RNF11: variants seen among roughly 807,000 people sequenced by gnomAD.
RNF11 encodes the protein ring finger protein 11.
A neutral mutation model predicts 15.8 loss-of-function variants in RNF11; 4 were observed. The observed-to-expected ratio is 0.25, with a 90% CI of 0.12 to 0.58. RNF11 has a LOEUF of 0.58. Ranked by LOEUF, RNF11 falls within the 20% of genes least tolerant of loss-of-function variation. The probability of loss-of-function intolerance (pLI) is 0.91; values close to 1 mark genes in which losing one functional copy is unlikely to be tolerated. For synonymous variants in RNF11, 68 were observed against 72.3 expected, an observed-to-expected ratio of 0.94 and a Z score of 0.30; for missense variants, 139 against 194.4, an observed-to-expected ratio of 0.71 and a Z score of 1.70.
Position 51,236,507 on chromosome 1 carries a change from C to T in RNF11, c.-250C>T, listed in dbSNP as rs563201100. On this transcript the variant is annotated 5_prime_UTR_variant, in exon 1 of 3. Transcript: ENST00000242719. ...AGTGCTTCGTCTCCCCGCCCCCCCC[C>T]CCCCATCGCTGCCTCGCAGGAGGCG... 5 of 141,424 alleles carry T rather than the reference C, an allele frequency of 3.5e-5. 1 individual carries two copies. In the South Asian group the frequency reaches 9.5e-4, roughly 27 times the overall value. The allele number at this position is 141,424 out of a possible 1,614,324, so 8.8% of individuals were successfully genotyped here.
chr1:51,248,379 T>A (rs192607281), intron 1 of RNF11, among the ~76,000 whole-genome samples: 40 of 152,178 alleles, frequency 2.6e-4, no homozygotes, highest in Non-Finnish European at 4.0e-4. Context: ...GCTAATTTTG[T>A]ATTTTTAGTA....
At chr1:51,252,016 G>A (rs1041721017) in intron 1 of RNF11, among the ~76,000 whole-genome samples, 5 of 145,156 alleles carry the variant, frequency 3.4e-5, no homozygotes, top group South Asian at 2.1e-4. Flanking sequence ...GAGACAGGTC[G>A]CAGTGAGCCA....
chr1:51,245,959 G>A (rs1489023628), intron 1 of RNF11, among the ~76,000 whole-genome samples: 1 of 152,106 alleles, frequency 6.6e-6, no homozygotes, highest in Non-Finnish European at 1.5e-5. Flanking sequence ...CCTTGGCTGA[G>A]ACACAGTCAA....
intron 1 of RNF11, among the ~76,000 whole-genome samples, chr1:51,242,321 A>G (rs1476834989): frequency 2.0e-5 from 3 of 146,408 alleles, no homozygotes; most frequent in Non-Finnish European, 4.5e-5. Context: ...TTTCTTCAAG[A>G]TACCTTTTTT....
Position 51,270,025 on chromosome 1 carries a change from G to A in RNF11, c.193G>A (p.Glu65Lys). 1 of 1,613,792 alleles carries A rather than the reference G, an allele frequency of 6.2e-7. No homozygotes were observed. Among genetic ancestry groups the A allele is most frequent in the Non-Finnish European group, 8.5e-7 (1 of 1,179,840 alleles). ...TCGGCTAGCAACTCAGCTGACTGAAGAGGAACAAATTAGGATAGCTCAAAG... is the reference window on the plus strand; with the variant it reads ...TCGGCTAGCAACTCAGCTGACTGAAAAGGAACAAATTAGGATAGCTCAAAG... ...QTRLATQLTE[E>K]EQIRIAQRIG... Residue 65 changes from glutamate to lysine, a missense_variant, in exon 2 of 3, where the codon GAG (glutamate) becomes AAG (lysine). Transcript: ENST00000242719.
At chr1:51,255,033 G>A (rs1161470270) in intron 1 of RNF11, among the ~76,000 whole-genome samples, 1 of 152,100 alleles carries the variant, frequency 6.6e-6, no homozygotes, top group South Asian at 2.1e-4. Context: ...ATTGGTGAGG[G>A]GAGTGTTTAC....
intron 1 of RNF11, among the ~76,000 whole-genome samples, chr1:51,267,175 G>C (rs1178253091): frequency 6.6e-6 from 1 of 152,192 alleles, no homozygotes; most frequent in East Asian, 1.9e-4. Context: ...GAAGTTGGAG[G>C]TTGCAGTGAG....
At chr1:51,249,646 T>C (rs976637994) in intron 1 of RNF11, among the ~76,000 whole-genome samples, 3 of 152,260 alleles carry the variant, frequency 2.0e-5, no homozygotes, top group African/African-American at 7.2e-5. Context: ...GTAGTTCACA[T>C]TCTTTTTCAT....
chr1:51,240,832 T>C (rs997009861), intron 1 of RNF11, among the ~76,000 whole-genome samples: 2 of 152,162 alleles, frequency 1.3e-5, no homozygotes, highest in Non-Finnish European at 2.9e-5. Context: ...TGGGTTTTTT[T>C]GTTTTCTCTT....
chr1:51,257,259 G>T (rs769871969), intron 1 of RNF11, among the ~76,000 whole-genome samples: 1 of 152,060 alleles, frequency 6.6e-6, no homozygotes, highest in Non-Finnish European at 1.5e-5. Flanking sequence ...TAAAAGTTTC[G>T]CATGAGGATA....
At chr1:51,261,568 CTTGCTCTGT>C (rs1364740994) in intron 1 of RNF11, among the ~76,000 whole-genome samples, 18 of 152,234 alleles carry the variant, frequency 1.2e-4, no homozygotes, top group Non-Finnish European at 2.5e-4. Flanking sequence ...TATATGGAGT[CTTGCTCTGT>C]TGCCCAGGAT....
intron 1 of RNF11, among the ~76,000 whole-genome samples, chr1:51,252,081 C>CAAAGA (rs1646880678): frequency 1.9e-5 from 1 of 53,644 alleles, no homozygotes; most frequent in Non-Finnish European, 3.6e-5. Context: ...CATCTCAAAG[C>CAAAGA]AAAAAAAAAA....
chr1:51,243,694 C>T (rs930358941), intron 1 of RNF11, among the ~76,000 whole-genome samples: 4 of 152,208 alleles, frequency 2.6e-5, no homozygotes, highest in African/African-American at 9.6e-5. Context: ...TCACCTTGGC[C>T]TCCGTAAGAG....
intron 1 of RNF11, among the ~76,000 whole-genome samples, chr1:51,239,314 T>C (rs751761080): frequency 5.9e-5 from 9 of 152,210 alleles, no homozygotes; most frequent in Non-Finnish European, 1.3e-4. Context: ...GTTTTTGGTG[T>C]CATGAAGGAA....
intron 1 of RNF11, among the ~76,000 whole-genome samples, chr1:51,237,756 CTTTCCTGTACTT>C (rs1196691630): frequency 1.3e-5 from 2 of 152,044 alleles, no homozygotes; most frequent in African/African-American, 4.8e-5. Flanking sequence ...GTGTGAAAAC[CTTTCCTGTACTT>C]TTTCCATTTT....
chr1:51,256,457 T>C (rs142220240), intron 1 of RNF11, among the ~76,000 whole-genome samples: 7 of 152,352 alleles, frequency 4.6e-5, no homozygotes, highest in African/African-American at 1.7e-4. Context: ...AGTTTATCTA[T>C]TTACCTATCG....
chr1:51,236,526 G>A lies in RNF11; in HGVS notation c.-231G>A, dbSNP rs574881567. 5.8e-3 allele frequency: 667 copies of A among 115,148 alleles called. 10 individuals are homozygous for A. The highest frequency in any genetic ancestry group is 0.02 in the African/African-American group (625 of 31,914). 7.1% of individuals were successfully genotyped at this position (115,148 alleles called of 1,614,324 possible). On this transcript the variant is annotated 5_prime_UTR_variant, in exon 1 of 3. Coordinates refer to ENST00000242719, the MANE Select transcript of RNF11 (RefSeq NM_014372.5). ...CCCCCCCCCCCATCGCTGCCTCGCAGGAGGCGAACGCCGCGACCCCAGCGG... is the reference window on the plus strand; with the variant it reads ...CCCCCCCCCCCATCGCTGCCTCGCAAGAGGCGAACGCCGCGACCCCAGCGG...
chr1:51,237,417 T>C (rs1646809230), intron 1 of RNF11, among the ~76,000 whole-genome samples: 1 of 140,564 alleles, frequency 7.1e-6, no homozygotes, highest in South Asian at 2.2e-4. Flanking sequence ...GTTACTTGTG[T>C]GTGTGTGTAT....
At chr1:51,268,962 T>A (rs1471694665) in intron 1 of RNF11, among the ~76,000 whole-genome samples, 1 of 152,228 alleles carries the variant, frequency 6.6e-6, no homozygotes, top group Non-Finnish European at 1.5e-5. Flanking sequence ...TATTGGCATT[T>A]ACAAAGCTCT....
Sources: gnomAD v4.1 joint callset for allele counts (sites outside exome capture counted in the v4.1 genomes callset) on GRCh38, gnomAD v4.1.1 for gene constraint, MANE v1.5 for transcripts, NCBI Gene and HGNC (gene_info 2026-07-23, HGNC 2026-07-21) for gene names.